Variants in HIVEP3 observed in about 807,000 individuals in gnomAD.
HIVEP3 encodes transcription factor HIVEP3.
A neutral mutation model predicts 152.8 loss-of-function variants in HIVEP3; 49 were observed. The ratio of observed to expected loss-of-function variants is 0.32; its 90% confidence interval spans 0.26 to 0.41. HIVEP3 has a LOEUF of 0.41. HIVEP3 is among the 10% of genes least tolerant of loss of function. The pLI, the probability that HIVEP3 is intolerant of heterozygous loss-of-function variation, is 1.00. For missense variants in HIVEP3, 2,790 were observed against 3,103.3 expected (o/e 0.90, Z 2.40); for synonymous variants, 1,269 against 1,289.0 (o/e 0.98, Z 0.33).
At chr1:41,716,950 C>T (rs930520825) in intron 1 of HIVEP3, among the ~76,000 whole-genome samples, 20 of 152,346 alleles carry the variant, frequency 1.3e-4, no homozygotes, top group Admixed American at 5.9e-4. Context: ...TCAAGCTGCA[C>T]GCACGTTGTG....
At chr1:42,019,502 A>T (rs1645541964) in intron 1 of HIVEP3, among the ~76,000 whole-genome samples, 1 of 143,510 alleles carries the variant, frequency 7.0e-6, no homozygotes, top group African/African-American at 2.5e-5. Flanking sequence ...AGGCTATTGT[A>T]AATGGTATTG....
At chr1:41,729,374 A>G (rs569507506) in intron 1 of HIVEP3, among the ~76,000 whole-genome samples, 1 of 152,350 alleles carries the variant, frequency 6.6e-6, no homozygotes, top group East Asian at 1.9e-4. Flanking sequence ...CTCATCTGCA[A>G]AACTGGCAAG....
At chr1:41,540,180 T>C (rs530467438) in intron 5 of HIVEP3, among the ~76,000 whole-genome samples, 128 of 152,370 alleles carry the variant, frequency 8.4e-4, no homozygotes, top group Admixed American at 2.3e-3. Context: ...TAGTAGCAGC[T>C]GACACTATGC....
At chr1:41,595,806 C>T (rs1399403074) in intron 3 of HIVEP3, among the ~76,000 whole-genome samples, 2 of 152,176 alleles carry the variant, frequency 1.3e-5, no homozygotes, top group Admixed American at 1.3e-4. Context: ...ACATCTTTCT[C>T]CTGCACTGGA....
At position 41,584,043 on chromosome 1, in the gene HIVEP3, G is replaced by A. The variant is rs112053668; in HGVS notation, c.755C>T (p.Ser252Leu). The A allele has an allele frequency of 1.8e-4, 287 of 1,614,196 alleles. 2 individuals are homozygous for A. The African/African-American group carries it at 3.3e-3, about 18-fold the overall frequency. The change falls in exon 4 of 9, where the codon TCA (serine) becomes TTA (leucine). Residue 252 changes from serine (S) to leucine (L), a missense_variant. Physicochemically the swap from Ser to Leu is moderately radical, Grantham distance 145 (BLOSUM62 -2). Transcript: ENST00000372583. The surrounding 1 kb of genome is among the most constrained non-coding windows in gnomAD (Gnocchi z 5.2). ...HAHRIKAGLA[S>L]GMGGEMYPHG... ...TGGGTACATCTCGCCACCCATGCCT[G>A]AGGCCAGGCCTGCTTTGATGCGGTG...
At chr1:41,593,617 C>A (rs1440290702) in intron 3 of HIVEP3, among the ~76,000 whole-genome samples, 1 of 152,262 alleles carries the variant, frequency 6.6e-6, no homozygotes, top group Non-Finnish European at 1.5e-5. Flanking sequence ...GAAATTTACA[C>A]TTCCGCCAAT....
chr1:41,716,487 C>T (rs1210123104), intron 1 of HIVEP3, among the ~76,000 whole-genome samples: 1 of 152,182 alleles, frequency 6.6e-6, no homozygotes, highest in East Asian at 1.9e-4. Flanking sequence ...GATTCCTGAG[C>T]ATCCCCTAGA....
At chr1:41,546,345 A>G (rs1298533972) in intron 5 of HIVEP3, among the ~76,000 whole-genome samples, 1 of 152,178 alleles carries the variant, frequency 6.6e-6, no homozygotes, top group African/African-American at 2.4e-5. Flanking sequence ...AGCTCCCTTC[A>G]TGGCCTGAGA....
At chr1:41,739,786 G>C (rs1646970719) in intron 1 of HIVEP3, among the ~76,000 whole-genome samples, 1 of 152,240 alleles carries the variant, frequency 6.6e-6, no homozygotes, top group South Asian at 2.1e-4. Context: ...GGCTCTCAGA[G>C]ACCATGTGAC....
chr1:41,928,722 A>G (rs1274971491), intron 1 of HIVEP3, among the ~76,000 whole-genome samples: 1 of 152,200 alleles, frequency 6.6e-6, no homozygotes, highest in Admixed American at 6.5e-5. Flanking sequence ...TTTTGTAGAC[A>G]GTCCCTCAAT....
At chr1:41,743,111 G>A (rs1330783725) in intron 1 of HIVEP3, among the ~76,000 whole-genome samples, 2 of 151,400 alleles carry the variant, frequency 1.3e-5, no homozygotes, top group South Asian at 4.2e-4. Context: ...CAAAGGCTGC[G>A]GTGGGGTATG....
intron 2 of HIVEP3, among the ~76,000 whole-genome samples, chr1:41,700,316 T>C (rs1026755219): frequency 1.4e-4 from 22 of 152,184 alleles, no homozygotes; most frequent in African/African-American, 4.8e-4. Context: ...AGGGCAGGCA[T>C]GGGGCTGGTG....
At chr1:41,851,679 G>A (rs1001551675) in intron 1 of HIVEP3, among the ~76,000 whole-genome samples, 14 of 152,202 alleles carry the variant, frequency 9.2e-5, no homozygotes. Context: ...TTCAATAGTA[G>A]GAGTTAGACT....
intron 1 of HIVEP3, among the ~76,000 whole-genome samples, chr1:41,780,096 G>A (rs190091396): frequency 2.6e-5 from 4 of 152,336 alleles, no homozygotes; most frequent in Admixed American, 2.6e-4. Context: ...TAGGGACGAG[G>A]TTGCAGATCA....
chr1:41,609,270 G>C (rs1203193709), intron 3 of HIVEP3, among the ~76,000 whole-genome samples: 1 of 152,212 alleles, frequency 6.6e-6, no homozygotes. Flanking sequence ...TCTGCCCTTA[G>C]GGGGAACACT....
In HIVEP3 at chr1:41,584,862, C is replaced by T. The variant is rs1644480920; in HGVS notation, c.-65G>A. Reference sequence around the variant, plus strand: ...AGGGCGGGCTGCATTTATGAATAATCCCAGTGTCCCAAGGAGGTGTCCAGC... The same window carrying T: ...AGGGCGGGCTGCATTTATGAATAATTCCAGTGTCCCAAGGAGGTGTCCAGC... On this transcript the variant is annotated 5_prime_UTR_variant, in exon 4 of 9. Transcript: ENST00000372583. This position sits in a 1 kb window ranked among gnomAD's most constrained non-coding sequence, Gnocchi z 5.2. 6 of 1,376,440 alleles carry T rather than the reference C, an allele frequency of 4.4e-6. No individual in the cohort carries two copies. Among genetic ancestry groups the T allele is most frequent in the Non-Finnish European group, 5.8e-6 (6 of 1,038,814 alleles). The allele number at this position is 1,376,440 out of a possible 1,614,324, so 85.3% of individuals were successfully genotyped here.
intron 1 of HIVEP3, among the ~76,000 whole-genome samples, chr1:41,952,241 G>A (rs1209609223): frequency 6.6e-6 from 1 of 152,040 alleles, no homozygotes; most frequent in Non-Finnish European, 1.5e-5. Context: ...ATCATCTCTT[G>A]CTTCTCACTT....
chr1:41,998,515 C>T (rs540210966), intron 1 of HIVEP3, among the ~76,000 whole-genome samples: 1 of 152,208 alleles, frequency 6.6e-6, no homozygotes, highest in African/African-American at 2.4e-5. Flanking sequence ...TAGGTCTCTG[C>T]CTTCTATCTT....
chr1:41,580,613 G>A lies in HIVEP3; in HGVS notation c.4185C>T (p.Tyr1395=). ...EEQSRAFPTP[Y]LRVPVTLPER... Reference sequence around the variant, plus strand: ...CAGGTAATGTCACAGGCACTCTCAGGTATGGAGTTGGGAAAGCTCTGCTTT... The same window carrying A: ...CAGGTAATGTCACAGGCACTCTCAGATATGGAGTTGGGAAAGCTCTGCTTT... The change falls in exon 4 of 9, where the codon TAC becomes TAT. Residue 1395 remains tyrosine, a synonymous_variant. Transcript: ENST00000372583. The A allele has an allele frequency of 6.2e-7, 1 of 1,614,166 alleles. No homozygotes were observed. The highest frequency in any genetic ancestry group is 8.5e-7 in the Non-Finnish European group (1 of 1,180,044).
Sources: allele counts gnomAD v4.1 joint callset (sites outside exome capture counted in the v4.1 genomes callset), GRCh38; gene constraint gnomAD v4.1.1; non-coding constraint Gnocchi (gnomAD v3.1); transcripts MANE v1.5; gene names NCBI Gene and HGNC (gene_info 2026-07-23, HGNC 2026-07-21).